Variants in CTNNA2 observed in about 807,000 individuals in gnomAD.
The protein encoded by CTNNA2 is catenin alpha 2.
Under a neutral mutation model 101.0 loss-of-function variants are expected in CTNNA2, and 42 were observed. That is an observed-to-expected ratio of 0.42 (90% confidence interval 0.32 to 0.54). The LOEUF (loss-of-function observed/expected upper bound fraction) is 0.54. Ranked by LOEUF, CTNNA2 falls within the 20% of genes least tolerant of loss-of-function variation. The pLI is 0.14. For synonymous variants in CTNNA2, 450 were observed against 456.4 expected, an observed-to-expected ratio of 0.99 and a Z score of 0.18; for missense variants, 871 against 1,223.1, an observed-to-expected ratio of 0.71 and a Z score of 4.29.
chr2:80,347,660 T>C (rs1257026710), intron 7 of CTNNA2, among the ~76,000 whole-genome samples: 4 of 148,436 alleles, frequency 2.7e-5, no homozygotes, highest in African/African-American at 1.0e-4. Flanking sequence ...TCCATGTGGA[T>C]ACTTAGCTGT....
At chr2:79,202,640 G>C (rs1674052058) in intron 2 of CTNNA2, among the ~76,000 whole-genome samples, 1 of 152,138 alleles carries the variant, frequency 6.6e-6, no homozygotes, top group Non-Finnish European at 1.5e-5. Flanking sequence ...TCCTATGAGA[G>C]AATAGCTCAA....
In CTNNA2 at chr2:79,310,450, G is replaced by C. The variant is rs145313301; in HGVS notation, c.-405-2259G>C. ...CTACATACATTTAAACCACTCTTAT[G>C]TTTCTTCCATTAATGTCACTGGTTA... On this transcript the variant is annotated intron_variant, in intron 2 of 21. Coordinates refer to the CTNNA2 transcript ENST00000466387. Among the ~76,000 whole-genome samples the C allele has an allele frequency of 6.2e-3, 943 of 152,176 alleles. 4 individuals carry two copies. The highest frequency in any genetic ancestry group is 0.024 in the Middle Eastern group (7 of 294).
intron 2 of CTNNA2, among the ~76,000 whole-genome samples, chr2:79,717,022 T>G (rs1686153545): frequency 6.6e-6 from 1 of 152,106 alleles, no homozygotes; most frequent in South Asian, 2.1e-4. Flanking sequence ...AATTAAGGGA[T>G]ATAGTATATA....
intron 2 of CTNNA2, among the ~76,000 whole-genome samples, chr2:79,740,447 G>T (rs1671211542): frequency 1.3e-5 from 2 of 152,032 alleles, no homozygotes; most frequent in African/African-American, 2.4e-5. Context: ...AAATACTTTT[G>T]TCCTTCTTTT....
intron 7 of CTNNA2, among the ~76,000 whole-genome samples, chr2:80,179,910 A>G (rs1705664624): frequency 6.6e-6 from 1 of 152,194 alleles, no homozygotes. Context: ...GCACTGGAGA[A>G]GTGACCACAG....
At chr2:80,016,702 G>C (rs1258392616) in intron 7 of CTNNA2, among the ~76,000 whole-genome samples, 1 of 152,058 alleles carries the variant, frequency 6.6e-6, no homozygotes, top group East Asian at 1.9e-4. Context: ...TATTTACCAG[G>C]AACATTTTTG....
chr2:79,799,896 C>G (rs367979162), intron 3 of CTNNA2, among the ~76,000 whole-genome samples: 1 of 152,104 alleles, frequency 6.6e-6, no homozygotes, highest in African/African-American at 2.4e-5. Context: ...ATTACTTACT[C>G]TGTAGATTGG....
intron 2 of CTNNA2, among the ~76,000 whole-genome samples, chr2:79,681,847 T>C (rs6729226): frequency 6.6e-6 from 1 of 152,198 alleles, no homozygotes; most frequent in African/African-American, 2.4e-5. Context: ...AGCAATACTG[T>C]GAGAAAATTC....
intron 7 of CTNNA2, among the ~76,000 whole-genome samples, chr2:80,227,811 A>C (rs573878075): frequency 6.6e-6 from 1 of 152,300 alleles, no homozygotes; most frequent in Non-Finnish European, 1.5e-5. Context: ...TTAGCAGCTT[A>C]CTGATGTATA....
chr2:79,618,338 T>G (rs1180130952), intron 1 of CTNNA2, among the ~76,000 whole-genome samples: 1 of 152,222 alleles, frequency 6.6e-6, no homozygotes, highest in East Asian at 1.9e-4. Context: ...TTCATCCTGT[T>G]TCTTTCTCTT....
intron 2 of CTNNA2, among the ~76,000 whole-genome samples, chr2:79,222,069 A>G (rs910865586): frequency 1.3e-5 from 2 of 152,166 alleles, no homozygotes; most frequent in African/African-American, 4.8e-5. Context: ...CCATTCCAGG[A>G]GAGAGTTCTC....
intron 2 of CTNNA2, among the ~76,000 whole-genome samples, chr2:79,689,985 T>C (rs1479474247): frequency 6.6e-6 from 1 of 151,952 alleles, no homozygotes; most frequent in Admixed American, 6.6e-5. Flanking sequence ...ATATCTTGCA[T>C]ATACATACCT....
At chr2:80,588,913 C>T (rs1036594368) in intron 14 of CTNNA2, among the ~76,000 whole-genome samples, 2 of 152,010 alleles carry the variant, frequency 1.3e-5, no homozygotes, top group Non-Finnish European at 2.9e-5. Flanking sequence ...TCTTTTTTTC[C>T]CTTCTCTGAA....
chr2:80,180,336 C>T (rs1436239227), intron 7 of CTNNA2, among the ~76,000 whole-genome samples: 5 of 152,188 alleles, frequency 3.3e-5, no homozygotes, highest in Non-Finnish European at 7.3e-5. Flanking sequence ...GTTCACTCGA[C>T]CTGGCAGTTT....
At chr2:80,396,949 TATAGA>T (rs1678073986) in intron 8 of CTNNA2, among the ~76,000 whole-genome samples, 1 of 152,234 alleles carries the variant, frequency 6.6e-6, no homozygotes. Flanking sequence ...AGAATTTATA[TATAGA>T]ATGCTTTTGC....
chr2:80,417,757 G>T (rs1376098139), intron 8 of CTNNA2, among the ~76,000 whole-genome samples: 1 of 151,856 alleles, frequency 6.6e-6, no homozygotes, highest in Non-Finnish European at 1.5e-5. Flanking sequence ...ATATCTTTCT[G>T]GCATGCTTTC....
At chr2:79,651,765 T>G in intron 2 of CTNNA2, 107 bp downstream of exon 2, 1 of 891,718 alleles carries the variant, frequency 1.1e-6, no homozygotes, top group East Asian at 2.6e-5. Context: ...AATCATGCCA[T>G]GATTCCGATT....
chr2:79,874,198 G>T lies in CTNNA2; in HGVS notation c.708G>T (p.Thr236=), dbSNP rs1372611257. 1 of 1,614,112 alleles carries T rather than the reference G, an allele frequency of 6.2e-7. No individual in the cohort carries two copies. The highest frequency in any genetic ancestry group is 1.3e-5 in the African/African-American group (1 of 75,032). The change falls in exon 6 of 19, where the codon ACG becomes ACT. Residue 236 remains threonine (T), a synonymous_variant. Transcript: ENST00000402739. The part of the protein sequence containing the change: ...AFLRHPDVAA[T]RANRDYVFKQ... ...TCCGCCACCCAGATGTCGCCGCTAC[G>T]AGAGCCAACCGAGATTATGTGTTCA...
chr2:80,029,108 A>G (rs1179079318), intron 7 of CTNNA2, among the ~76,000 whole-genome samples: 1 of 152,146 alleles, frequency 6.6e-6, no homozygotes, highest in Non-Finnish European at 1.5e-5. Flanking sequence ...TAGCCTTCCC[A>G]ATTTATCTTT....
Sources: gnomAD v4.1 joint callset for allele counts (sites outside exome capture counted in the v4.1 genomes callset) on GRCh38, gnomAD v4.1.1 for gene constraint, MANE v1.5 for transcripts, NCBI Gene and HGNC (gene_info 2026-07-23, HGNC 2026-07-21) for gene names.